The following TMEM130 variants were observed in gnomAD, a reference collection of about 807,000 sequenced individuals.
The protein encoded by TMEM130 is transmembrane protein 130.
TMEM130 carries 37 observed loss-of-function variants against 42.9 expected under a neutral mutation model. The ratio of observed to expected loss-of-function variants is 0.86; its 90% CI spans 0.66 to 1.13. The LOEUF (loss-of-function observed/expected upper bound fraction) is 1.13, where lower values mean the gene tolerates loss of function less well. Ranked by LOEUF, TMEM130 falls within the 50% of genes most tolerant of loss-of-function variation. The probability of loss-of-function intolerance (pLI) is 0.00; values close to 1 mark genes in which losing one functional copy is unlikely to be tolerated. For missense variants in TMEM130, 545 were observed against 562.6 expected, an observed-to-expected ratio of 0.97 and a Z score of 0.32; for synonymous variants, 259 against 237.7, an observed-to-expected ratio of 1.09 and a Z score of -0.82.
chr7:98,858,443 G>A (rs1021660041), intron 3 of TMEM130, among the ~76,000 whole-genome samples: 1 of 152,060 alleles, frequency 6.6e-6, no homozygotes, highest in East Asian at 1.9e-4. Context: ...TCGAGAGGTC[G>A]AGGCAAGAGG....
intron 5 of TMEM130, 137 bp from the exon 6 acceptor site, chr7:98,851,760 C>T: frequency 1.4e-6 from 1 of 729,720 alleles, no homozygotes; most frequent in Non-Finnish European, 2.2e-6. Context: ...CTGGACTCAG[C>T]TTCATGCATT....
rs1794504582 is a variant in TMEM130 at position 98,851,520 on chromosome 7, G to A, written c.907C>T (p.His303Tyr). Residue 303 changes from histidine to tyrosine, a missense_variant, in exon 6 of 8, where the codon CAC becomes TAC. By Grantham distance (83) the His-to-Tyr change is moderately conservative (BLOSUM62 2). Transcript: ENST00000339375. ...SVASTAYNLT[H>Y]TFRDPGDYCF... Reference sequence around the variant, plus strand: ...TAGTCCCCAGGGTCCCTGAAGGTGTGGGTCAGGTTGTACGCTGTGCTGGCC... The same window carrying A: ...TAGTCCCCAGGGTCCCTGAAGGTGTAGGTCAGGTTGTACGCTGTGCTGGCC... 3.1e-6 allele frequency: 5 copies of A among 1,613,976 alleles called. No individual in the cohort carries two copies. Among genetic ancestry groups the A allele is most frequent in the Non-Finnish European group, 4.2e-6 (5 of 1,180,024 alleles).
chr7:98,852,015 T>C (rs1293470850), intron 5 of TMEM130, among the ~76,000 whole-genome samples: 1 of 152,084 alleles, frequency 6.6e-6, no homozygotes, highest in East Asian at 1.9e-4. Flanking sequence ...GGCTCAATCA[T>C]AGCTCACTGC....
At chr7:98,857,027 T>G (rs1470751619) in intron 3 of TMEM130, among the ~76,000 whole-genome samples, 1 of 152,182 alleles carries the variant, frequency 6.6e-6, no homozygotes, top group Non-Finnish European at 1.5e-5. Context: ...GCTCAAGCAG[T>G]CCTCCCACCT....
Position 98,869,535 on chromosome 7 carries a change from G to C in TMEM130, c.85+242C>G, listed in dbSNP as rs552269872. 1.6e-4 allele frequency among the ~76,000 whole-genome samples: 25 copies of C among 152,346 alleles called. No individual in the cohort carries two copies. In the South Asian group the frequency reaches 5.2e-3, roughly 32 times the overall value. ...TTCCAGGGCAGGGCCAGCCTGGGGG[G>C]GTGGAAGCAGGAATCCAGGGGGTGC... On this transcript the variant is annotated intron_variant, in intron 1 of 7. Coordinates refer to ENST00000339375, the MANE Select transcript of TMEM130 (RefSeq NM_152913.3). This position sits in a 1 kb window ranked among gnomAD's most constrained non-coding sequence, Gnocchi z 4.7.
chr7:98,859,406 T>C (rs1794705089), intron 3 of TMEM130, among the ~76,000 whole-genome samples: 1 of 152,250 alleles, frequency 6.6e-6, no homozygotes, highest in Non-Finnish European at 1.5e-5. Context: ...AAATCTCATG[T>C]ACCTTTACCT....
At chr7:98,850,561 G>A (rs912551856) in intron 6 of TMEM130, among the ~76,000 whole-genome samples, 13 of 151,422 alleles carry the variant, frequency 8.6e-5, no homozygotes, top group Non-Finnish European at 1.8e-4. Flanking sequence ...TTACAGGCAC[G>A]AGCCACCGCA....
chr7:98,854,799 G>T (rs1399973847), intron 5 of TMEM130, among the ~76,000 whole-genome samples: 1 of 152,152 alleles, frequency 6.6e-6, no homozygotes, highest in Admixed American at 6.6e-5. Flanking sequence ...ACTTTAGGAG[G>T]CCAAGGCGGA....
intron 1 of TMEM130, chr7:98,866,642 CTGAGATTA>C (rs1562913610): frequency 6.6e-6 from 1 of 152,228 alleles, no homozygotes; most frequent in Non-Finnish European, 1.5e-5. Context: ...CCAGGCAACT[CTGAGATTA>C]TTTTTTTCAG....
chr7:98,869,442 T>C lies in TMEM130; in HGVS notation c.85+335A>G. ...GGCGCATCCCCGCCTCCCTGCCTCG[T>C]CCTCCCCTCCCTTAGCGGGTGCATG... On this transcript the variant is annotated intron_variant, in intron 1 of 7. Coordinates refer to ENST00000339375, the MANE Select transcript of TMEM130 (RefSeq NM_152913.3). The surrounding 1 kb of genome is among the most constrained non-coding windows in gnomAD (Gnocchi z 4.7). The C allele has an allele frequency of 1.6e-6, 2 of 1,221,316 alleles. No homozygotes were observed. Among genetic ancestry groups the C allele is most frequent in the Non-Finnish European group, 2.1e-6 (2 of 957,418 alleles). 75.7% of individuals were successfully genotyped at this position (1,221,316 alleles called of 1,614,324 possible).
chr7:98,867,182 G>C (rs1381822330), intron 1 of TMEM130, among the ~76,000 whole-genome samples: 2 of 152,176 alleles, frequency 1.3e-5, no homozygotes, highest in African/African-American at 2.4e-5. Flanking sequence ...GCATTGAAAA[G>C]GGGACCTGCA....
chr7:98,864,373 A>AT (rs1300065501), intron 1 of TMEM130, among the ~76,000 whole-genome samples: 1 of 143,274 alleles, frequency 7.0e-6, no homozygotes, highest in South Asian at 2.3e-4. Flanking sequence ...CGCTTGGCTG[A>AT]TTTTTTTCTT....
At chr7:98,861,716 A>T (rs1794775481) in intron 2 of TMEM130, among the ~76,000 whole-genome samples, 1 of 152,220 alleles carries the variant, frequency 6.6e-6, no homozygotes, top group Non-Finnish European at 1.5e-5. Context: ...TGACTCAAAA[A>T]TAGTAATAAT....
At position 98,848,463 on chromosome 7, in the gene TMEM130, G is replaced by A. The variant is rs186997947; in HGVS notation, c.1119+120C>T. On this transcript the variant is annotated intron_variant, in intron 7 of 7. Coordinates refer to ENST00000339375, the MANE Select transcript of TMEM130 (RefSeq NM_152913.3). ...TCTTGGGCACATCACCCCAAGTCCC[G>A]GAGCCTCGCTGTAATATCAAGACCC... 3.2e-4 allele frequency: 263 copies of A among 828,214 alleles called. 1 individual carries two copies. In the African/African-American group the frequency reaches 3.4e-3, roughly 11 times the overall value. 51.3% of individuals were successfully genotyped at this position (828,214 alleles called of 1,614,324 possible). A position where few individuals can be genotyped will look rare whatever the true frequency, so the allele number is the denominator to read the frequency against.
At position 98,848,029 on chromosome 7, in the gene TMEM130, C is replaced by A; in HGVS notation, c.*27G>T. 2 of 1,602,060 alleles carry A rather than the reference C, an allele frequency of 1.2e-6. No homozygotes were observed. The highest frequency in any genetic ancestry group is 4.5e-5 in the East Asian group (2 of 44,780). ...ACTCCAAGTCAGCAGTCAGTTAACA[C>A]TGAGATGGGGTGGGGAGGGGGAGTG... On this transcript the variant is annotated 3_prime_UTR_variant, in exon 8 of 8. Coordinates refer to ENST00000339375, the MANE Select transcript of TMEM130 (RefSeq NM_152913.3).
At chr7:98,863,970 G>C (rs1310731844) in intron 1 of TMEM130, among the ~76,000 whole-genome samples, 2 of 151,382 alleles carry the variant, frequency 1.3e-5, no homozygotes, top group African/African-American at 4.9e-5. Flanking sequence ...ACAGTTCGCT[G>C]CAGCCTCCAC....
At chr7:98,862,304 CAAAG>C (rs1794791134) in intron 2 of TMEM130, among the ~76,000 whole-genome samples, 1 of 51,814 alleles carries the variant, frequency 1.9e-5, no homozygotes, top group African/African-American at 3.1e-5. Flanking sequence ...CAGAAAGAGA[CAAAG>C]AGACAGAGAA....
At position 98,855,927 on chromosome 7, in the gene TMEM130, C is replaced by T. The variant is rs1045296227; in HGVS notation, c.718+90G>A. ...GTCTGTGGGGCTCCAGAAGACAGGG[C>T]GTGAGTCCAGCCCAGAGCCACTGTG... On this transcript the variant is annotated intron_variant, in intron 4 of 7. Transcript: ENST00000339375. 41 of 1,435,178 alleles carry T rather than the reference C, an allele frequency of 2.9e-5. No homozygotes were observed. In the East Asian group the frequency reaches 4.1e-4, roughly 14 times the overall value. The allele number at this position is 1,435,178 out of a possible 1,614,324, so 88.9% of individuals were successfully genotyped here.
intron 3 of TMEM130, among the ~76,000 whole-genome samples, 195 bp from the exon 4 acceptor site, chr7:98,856,378 A>T (rs1386200851): frequency 1.3e-5 from 2 of 152,220 alleles, no homozygotes; most frequent in Non-Finnish European, 2.9e-5. Flanking sequence ...CATTTTCCAG[A>T]TGAGCAAACC....
Sources: gnomAD v4.1 joint callset for allele counts (sites outside exome capture counted in the v4.1 genomes callset) on GRCh38, gnomAD v4.1.1 for gene constraint, Gnocchi (gnomAD v3.1) non-coding constraint, MANE v1.5 for transcripts, NCBI Gene and HGNC (gene_info 2026-07-23, HGNC 2026-07-21) for gene names.